Variants in HERC2 observed in about 807,000 individuals in gnomAD.
HERC2 encodes E3 ubiquitin-protein ligase HERC2.
Under a neutral mutation model 537.7 loss-of-function variants are expected in HERC2, and 102 were observed. The observed-to-expected ratio is 0.19, with a 90% CI of 0.16 to 0.22. The LOEUF is 0.22. HERC2 is among the 10% of genes least tolerant of loss of function. The probability of loss-of-function intolerance (pLI) is 1.00; values close to 1 mark genes in which losing one functional copy is unlikely to be tolerated. For synonymous variants in HERC2, 2,224 were observed against 2,466.2 expected (o/e 0.90, Z 2.91); for missense variants, 4,236 against 6,198.2 (o/e 0.68, Z 10.63).
chr15:28,228,157 AAAG>A, intron 35 of HERC2, 58 bp downstream of exon 35: 2 of 1,432,042 alleles, frequency 1.4e-6, no homozygotes, highest in Non-Finnish European at 1.9e-6. Context: ...AAAGAAAAGA[AAAG>A]AAATCAAAGC....
intron 4 of HERC2, among the ~76,000 whole-genome samples, chr15:28,282,850 C>T (rs1445044150): frequency 1.3e-5 from 2 of 151,700 alleles, no homozygotes; most frequent in African/African-American, 4.8e-5. Flanking sequence ...AAGAATCATT[C>T]GAACTAGGGA....
rs1305045315 is a variant in HERC2, at chr15:28,254,426, C to T, written c.2964G>A (p.Leu988=). The T allele has an allele frequency of 6.2e-7, 1 of 1,608,930 alleles. No homozygotes were observed. ...TCCCCGTATTAATAAGGTCTTTATC[C>T]AGTGGAGTCCTGCTTCTATGAAATG... The part of the protein sequence containing the change: ...ASTFHRSRTP[L]DKDLINTGIC... Residue 988 remains leucine, a synonymous_variant, in exon 20 of 93, where the codon CTG becomes CTA. Coordinates refer to ENST00000261609, the MANE Select transcript of HERC2 (RefSeq NM_004667.6).
At chr15:28,153,340 C>T (rs1368417590) in intron 69 of HERC2, among the ~76,000 whole-genome samples, 2 of 151,222 alleles carry the variant, frequency 1.3e-5, no homozygotes, top group Non-Finnish European at 2.9e-5. Context: ...GTGACCCGAG[C>T]GAGACTGCGT....
chr15:28,316,473 C>G (rs1182755981), intron 2 of HERC2, among the ~76,000 whole-genome samples: 2 of 151,812 alleles, frequency 1.3e-5, no homozygotes, highest in African/African-American at 4.8e-5. Flanking sequence ...GACCCTGCCT[C>G]TACAAAAAAA....
chr15:28,289,257 C>T (rs2076245560), intron 4 of HERC2, among the ~76,000 whole-genome samples: 2 of 152,150 alleles, frequency 1.3e-5, no homozygotes, highest in Admixed American at 6.6e-5. Flanking sequence ...AAAAGCTAAA[C>T]TTGGCAAACA....
At chr15:28,199,912 A>C (rs1320531125) in intron 48 of HERC2, among the ~76,000 whole-genome samples, 1 of 152,210 alleles carries the variant, frequency 6.6e-6, no homozygotes, top group Non-Finnish European at 1.5e-5. Flanking sequence ...TCAGCTACAA[A>C]TAAACAGCAT....
At chr15:28,179,081 CTTT>C (rs1454780628) in intron 58 of HERC2, 51 bp from the exon 59 acceptor site, 1 of 1,602,804 alleles carries the variant, frequency 6.2e-7, no homozygotes. Flanking sequence ...ACATTAAAAA[CTTT>C]TTTGTTTTTT....
At chr15:28,248,362 T>G (rs1903926549) in intron 21 of HERC2, among the ~76,000 whole-genome samples, 190 bp downstream of exon 21, 1 of 152,100 alleles carries the variant, frequency 6.6e-6, no homozygotes, top group South Asian at 2.1e-4. Context: ...GGCAACAAAA[T>G]TAAAAATATT....
chr15:28,272,404 T>G lies in HERC2; in HGVS notation c.912-18A>C. 6.2e-7 allele frequency: 1 copy of G among 1,600,370 alleles called. No individual in the cohort carries two copies. Among genetic ancestry groups the G allele is most frequent in the Non-Finnish European group, 8.5e-7 (1 of 1,171,898 alleles). On this transcript the variant is annotated intron_variant, in intron 8 of 92. Coordinates refer to ENST00000261609, the MANE Select transcript of HERC2 (RefSeq NM_004667.6). ...ACATTTGGCTAAAGGAGAAAAGATA[T>G]TTATTCTAGTAAAAACAGATTAACT...
chr15:28,321,009 CCA>C (rs1182018421), intron 2 of HERC2, among the ~76,000 whole-genome samples: 20 of 151,812 alleles, frequency 1.3e-4, no homozygotes, highest in African/African-American at 4.1e-4. Context: ...ATTTTCCCCT[CCA>C]CAGTTAACTC....
intron 69 of HERC2, among the ~76,000 whole-genome samples, chr15:28,161,217 A>C (rs931394891): frequency 4.6e-5 from 7 of 152,218 alleles, no homozygotes; most frequent in African/African-American, 1.7e-4. Context: ...AACGTTTCAG[A>C]ATTTCAGATA....
rs1900297344 is a variant in HERC2, at chr15:28,219,573, C to G, written c.5845+879G>C. On this transcript the variant is annotated intron_variant, in intron 37 of 92. Transcript: ENST00000261609. Reference sequence around the variant, plus strand: ...TGCTCACACCTGAGGGACCCAGGCCCCAGAAGTGACGTGTCAAAGATGGTG... The same window carrying G: ...TGCTCACACCTGAGGGACCCAGGCCGCAGAAGTGACGTGTCAAAGATGGTG... 2.0e-5 allele frequency among the ~76,000 whole-genome samples: 3 copies of G among 152,320 alleles called. No individual in the cohort carries two copies. The South Asian group carries it at 6.2e-4, about 32-fold the overall frequency.
rs1294528704 is a variant in HERC2, at chr15:28,277,816, A to ATGTACAGTCG, written c.542+2242_542+2251dup. Among the ~76,000 whole-genome samples, 7 of 152,302 alleles carry ATGTACAGTCG rather than the reference A, an allele frequency of 4.6e-5. No homozygotes were observed. The East Asian group carries it at 1.4e-3, about 29-fold the overall frequency. On this transcript the variant is annotated intron_variant, in intron 5 of 92. Transcript: ENST00000261609. ...CTAAAACTATTTTCAAAAATACAACATGTACAGTCGTCCCTTGGTATCTGT... is the reference window on the plus strand; with the variant it reads ...CTAAAACTATTTTCAAAAATACAACATGTACAGTCGTGTACAGTCGTCCCTTGGTATCTGT...
chr15:28,124,508 A>T (rs1889262870), intron 84 of HERC2, among the ~76,000 whole-genome samples: 1 of 152,234 alleles, frequency 6.6e-6, no homozygotes, highest in South Asian at 2.1e-4. Flanking sequence ...GGTGTGGGTT[A>T]TAAGATATAG....
rs372281156 is a variant in HERC2, at chr15:28,186,776, T to C, written c.8650-24A>G. ...TACTAGACACAAAAACCATGATCTA[T>C]AGACTCTGTAGAATCAAGCATATTA... On this transcript the variant is annotated intron_variant, in intron 55 of 92. Transcript: ENST00000261609. 1.6e-4 allele frequency: 253 copies of C among 1,553,256 alleles called. No homozygotes were observed. In the African/African-American group the frequency reaches 2.9e-3, roughly 18 times the overall value.
At chr15:28,304,253 T>G (rs1394419799) in intron 2 of HERC2, among the ~76,000 whole-genome samples, 1 of 151,634 alleles carries the variant, frequency 6.6e-6, no homozygotes, top group Non-Finnish European at 1.5e-5. Context: ...ACTGAATTTA[T>G]CAGTTCTAAT....
Position 28,177,223 on chromosome 15 carries a change from C to G in HERC2, c.9255-96G>C, listed in dbSNP as rs528413944. On this transcript the variant is annotated intron_variant, in intron 60 of 92. Transcript: ENST00000261609. The surrounding 1 kb of genome is among the most constrained non-coding windows in gnomAD (Gnocchi z 5.0). ...TATACTGATCCACATGTAGTCAACA[C>G]AGGATCCACAGATCAACTATCAAAA... 4 of 1,294,282 alleles carry G rather than the reference C, an allele frequency of 3.1e-6. No homozygotes were observed. In the East Asian group the frequency reaches 9.3e-5, roughly 30 times the overall value. The allele number at this position is 1,294,282 out of a possible 1,614,324, so 80.2% of individuals were successfully genotyped here. A position where few individuals can be genotyped will look rare whatever the true frequency, so the allele number is the denominator to read the frequency against.
At chr15:28,303,228 T>C (rs896545853) in intron 2 of HERC2, among the ~76,000 whole-genome samples, 4 of 152,344 alleles carry the variant, frequency 2.6e-5, no homozygotes, top group Admixed American at 6.5e-5. Flanking sequence ...CATATGGGTG[T>C]CCCATTTTCC....
intron 69 of HERC2, among the ~76,000 whole-genome samples, chr15:28,161,807 A>G (rs1175337103): frequency 6.6e-6 from 1 of 152,264 alleles, no homozygotes; most frequent in Non-Finnish European, 1.5e-5. Flanking sequence ...ATACCATAGT[A>G]TCAGAACCTA....
Sources: gnomAD v4.1 joint callset for allele counts (sites outside exome capture counted in the v4.1 genomes callset) on GRCh38, gnomAD v4.1.1 for gene constraint, Gnocchi (gnomAD v3.1) non-coding constraint, MANE v1.5 for transcripts, NCBI Gene and HGNC (gene_info 2026-07-23, HGNC 2026-07-21) for gene names.